SIRPA: variants seen among roughly 807,000 people sequenced by gnomAD.
The protein encoded by SIRPA is tyrosine-protein phosphatase non-receptor type substrate 1.
In SIRPA, 9 loss-of-function variants were observed where a neutral mutation model predicts 50.3. That is an observed-to-expected ratio of 0.18 (90% confidence interval 0.11 to 0.31). The LOEUF (loss-of-function observed/expected upper bound fraction) is 0.31. Ranked by LOEUF, SIRPA falls within the 10% of genes least tolerant of loss-of-function variation. The pLI is 1.00. For synonymous variants in SIRPA, 265 were observed against 284.1 expected (o/e 0.93, Z 0.68); for missense variants, 474 against 661.6 (o/e 0.72, Z 3.11).
At chr20:1,897,241 C>A (rs140683846) in intron 1 of SIRPA, among the ~76,000 whole-genome samples, 362 of 152,350 alleles carry the variant, frequency 2.4e-3, no homozygotes, top group South Asian at 9.7e-3. Context: ...CATAAAACTT[C>A]CGTTCCAATC....
chr20:1,904,012 C>T (rs2024869), intron 1 of SIRPA, among the ~76,000 whole-genome samples: 94,753 of 151,960 alleles, frequency 0.62, 30,578 homozygotes, highest in African/African-American at 0.78. Flanking sequence ...TTAATAGATA[C>T]TGATTGAATG....
chr20:1,917,414 T>TGG (rs1985368995), intron 2 of SIRPA, among the ~76,000 whole-genome samples: 1 of 152,134 alleles, frequency 6.6e-6, no homozygotes, highest in African/African-American at 2.4e-5. Context: ...TCCAAACTCT[T>TGG]GCAGTTCTAT....
intron 5 of SIRPA, among the ~76,000 whole-genome samples, chr20:1,926,133 C>G (rs190825476): frequency 4.6e-5 from 7 of 152,340 alleles, no homozygotes; most frequent in South Asian, 4.1e-4. Context: ...GTTTCCCTCC[C>G]TCCTGGGCTG....
chr20:1,904,782 G>A (rs1984448731), intron 1 of SIRPA, among the ~76,000 whole-genome samples: 1 of 152,110 alleles, frequency 6.6e-6, no homozygotes, highest in Non-Finnish European at 1.5e-5. Context: ...GCTTGGCTCG[G>A]CTCCTCTCTT....
rs1986406407 is a variant in SIRPA at position 1,933,452 on chromosome 20, G to A, written c.1227-1263G>A. 6.6e-6 allele frequency among the ~76,000 whole-genome samples: 1 copy of A among 151,418 alleles called. No homozygotes were observed. The highest frequency in any genetic ancestry group is 1.5e-5 in the Non-Finnish European group (1 of 67,918). On this transcript the variant is annotated intron_variant, in intron 6 of 7. Coordinates refer to ENST00000358771, the MANE Select transcript of SIRPA (RefSeq NM_001040023.2). This position sits in a 1 kb window ranked among gnomAD's most constrained non-coding sequence, Gnocchi z 4.4. Reference sequence around the variant, plus strand: ...CAGATGAGTGGGTACATGAGGGCAGGGCAGTGAATTAGCCTGGAGGCAGCA... The same window carrying A: ...CAGATGAGTGGGTACATGAGGGCAGAGCAGTGAATTAGCCTGGAGGCAGCA...
intron 1 of SIRPA, among the ~76,000 whole-genome samples, chr20:1,911,924 A>G (rs1341238368): frequency 6.6e-6 from 1 of 151,568 alleles, no homozygotes; most frequent in African/African-American, 2.4e-5. Context: ...CAGAACCTGC[A>G]GAGAAAAAGA....
chr20:1,924,832 C>G lies in SIRPA; in HGVS notation c.1156C>G (p.Leu386Val). Residue 386 changes from leucine to valine, a missense_variant, in exon 5 of 8, where the codon CTA becomes GTA. Leu to Val is a conservative substitution (Grantham distance 32). This residue lies in a region of SIRPA where 180 missense variants were observed against 206.7 expected (regional missense o/e 0.87). Coordinates refer to ENST00000358771, the MANE Select transcript of SIRPA (RefSeq NM_001040023.2). The surrounding 1 kb of genome is among the most constrained non-coding windows in gnomAD (Gnocchi z 4.5). The stretch of plus-strand genomic sequence containing the variant: ...TGTGGTGTGCACCTTGCTGGTGGCC[C>G]TACTGATGGCGGCCCTCTACCTCGT... ...VGVVCTLLVALLMAALYLVRI... is the reference protein window; with the variant it reads ...VGVVCTLLVAVLMAALYLVRI... The G allele has an allele frequency of 6.2e-7, 1 of 1,614,160 alleles. No individual in the cohort carries two copies. Among genetic ancestry groups the G allele is most frequent in the South Asian group, 1.1e-5 (1 of 91,082 alleles).
Position 1,938,284 on chromosome 20 carries a change from AC to A in SIRPA, c.*719del. The A allele has an allele frequency of 6.6e-6, 1 of 152,634 alleles. No homozygotes were observed. Among genetic ancestry groups the A allele is most frequent in the East Asian group, 1.9e-4 (1 of 5,196 alleles). The allele number at this position is 152,634 out of a possible 1,614,324, so 9.5% of individuals were successfully genotyped here. On this transcript the variant is annotated 3_prime_UTR_variant, in exon 8 of 8. Coordinates refer to ENST00000358771, the MANE Select transcript of SIRPA (RefSeq NM_001040023.2). ...GGCCCAACTGTGTTGCTCCACCCGG[AC>A]CCATCTCTCCCTTCTAGACCTGAGC...
intron 1 of SIRPA, among the ~76,000 whole-genome samples, chr20:1,907,582 C>T (rs1984621440): frequency 6.6e-6 from 1 of 152,220 alleles, no homozygotes; most frequent in African/African-American, 2.4e-5. Context: ...CAGGGGCCAC[C>T]AGCTCCAGGA....
chr20:1,898,168 C>T lies in SIRPA; in HGVS notation c.79+2642C>T, dbSNP rs995331747. 6.6e-6 allele frequency among the ~76,000 whole-genome samples: 1 copy of T among 152,252 alleles called. No homozygotes were observed. Among genetic ancestry groups the T allele is most frequent in the Non-Finnish European group, 1.5e-5 (1 of 68,046 alleles). On this transcript the variant is annotated intron_variant, in intron 1 of 7. Coordinates refer to ENST00000358771, the MANE Select transcript of SIRPA (RefSeq NM_001040023.2). The surrounding 1 kb of genome is among the most constrained non-coding windows in gnomAD (Gnocchi z 4.3). ...GGGAGCAGCGGGGCCCCCCAGTGAA[C>T]CTCTCACCGTTTGGTAGAGGGTGGC...
chr20:1,925,825 G>A (rs1004539664), intron 5 of SIRPA, among the ~76,000 whole-genome samples: 3 of 152,138 alleles, frequency 2.0e-5, no homozygotes, highest in Non-Finnish European at 4.4e-5. Flanking sequence ...CCCACTCTTG[G>A]AGAAGACAAT....
chr20:1,904,117 C>A (rs931084679), intron 1 of SIRPA, among the ~76,000 whole-genome samples: 2 of 151,926 alleles, frequency 1.3e-5, no homozygotes, highest in African/African-American at 4.8e-5. Context: ...CTACCACAGT[C>A]CCCCCCCTGC....
At chr20:1,925,655 T>C (rs1265227559) in intron 5 of SIRPA, among the ~76,000 whole-genome samples, 1 of 152,300 alleles carries the variant, frequency 6.6e-6, no homozygotes, top group East Asian at 1.9e-4. Flanking sequence ...CCTGGTTATA[T>C]ACTGTAAACA....
chr20:1,909,388 G>C (rs1984747859), intron 1 of SIRPA, among the ~76,000 whole-genome samples: 1 of 152,180 alleles, frequency 6.6e-6, no homozygotes, highest in South Asian at 2.1e-4. Flanking sequence ...CCCACCCCTT[G>C]AGACAGGCTT....
intron 1 of SIRPA, among the ~76,000 whole-genome samples, chr20:1,913,693 C>T (rs1157910977): frequency 1.3e-5 from 2 of 152,234 alleles, no homozygotes; most frequent in African/African-American, 2.4e-5. Context: ...GCGTCTGTCT[C>T]TCAGGCATGT....
chr20:1,896,622 G>A (rs558682340), intron 1 of SIRPA, among the ~76,000 whole-genome samples: 4 of 152,150 alleles, frequency 2.6e-5, no homozygotes, highest in Admixed American at 2.6e-4. Context: ...ACCCCCTTTT[G>A]CGTTTGACTA....
intron 1 of SIRPA, among the ~76,000 whole-genome samples, chr20:1,908,831 T>A (rs4814734): frequency 0.49 from 74,411 of 152,030 alleles, 18,547 homozygotes; most frequent in East Asian, 0.68. Context: ...TTTAATGCAC[T>A]CTTAATGTTC....
Position 1,895,539 on chromosome 20 carries a change from C to T in SIRPA, c.79+13C>T. 1 of 1,431,898 alleles carries T rather than the reference C, an allele frequency of 7.0e-7. No homozygotes were observed. Among genetic ancestry groups the T allele is most frequent in the Non-Finnish European group, 9.1e-7 (1 of 1,093,948 alleles). 88.7% of individuals were successfully genotyped at this position (1,431,898 alleles called of 1,614,324 possible). On this transcript the variant is annotated intron_variant, in intron 1 of 7. Transcript: ENST00000358771. ...TGCGCCTGGTCAGGTAAGCACCCCC[C>T]CGCTCCCCACCGCTGCACTCCCCAA...
chr20:1,898,075 G>GA lies in SIRPA; in HGVS notation c.79+2550dup, dbSNP rs1983935980. On this transcript the variant is annotated intron_variant, in intron 1 of 7. Coordinates refer to ENST00000358771, the MANE Select transcript of SIRPA (RefSeq NM_001040023.2). This position sits in a 1 kb window ranked among gnomAD's most constrained non-coding sequence, Gnocchi z 4.3. Reference sequence around the variant, plus strand: ...TGAGTCACCCCCCAGGCCGACCTCAGATAAACTCCCATTCATTTCTTCTCT... The same window carrying GA: ...TGAGTCACCCCCCAGGCCGACCTCAGAATAAACTCCCATTCATTTCTTCTCT... Among the ~76,000 whole-genome samples the GA allele has an allele frequency of 6.6e-6, 1 of 152,218 alleles. No homozygotes were observed. Among genetic ancestry groups the GA allele is most frequent in the Non-Finnish European group, 1.5e-5 (1 of 68,046 alleles).
Sources: gnomAD v4.1 joint callset for allele counts (sites outside exome capture counted in the v4.1 genomes callset) on GRCh38, gnomAD v4.1.1 for gene constraint, gnomAD v4.1.1 regional missense constraint, Gnocchi (gnomAD v3.1) non-coding constraint, MANE v1.5 for transcripts, NCBI Gene and HGNC (gene_info 2026-07-23, HGNC 2026-07-21) for gene names.